Variants in PAX2 observed in about 807,000 individuals in gnomAD.
PAX2 encodes the protein paired box 2.
A neutral mutation model predicts 41.7 loss-of-function variants in PAX2; 9 were observed. The observed-to-expected ratio is 0.22, with a 90% CI of 0.13 to 0.38. The LOEUF (loss-of-function observed/expected upper bound fraction) is 0.38, where lower values mean the gene tolerates loss of function less well. Among genes scored for constraint, PAX2 ranks in the 10% least tolerant of loss-of-function variants. PAX2 has a pLI of 1.00. For missense variants in PAX2, 418 were observed against 531.6 expected (o/e 0.79, Z 2.10); for synonymous variants, 221 against 212.7 (o/e 1.04, Z -0.34).
intron 3 of PAX2, among the ~76,000 whole-genome samples, chr10:100,760,527 G>A (rs563124247): frequency 3.9e-5 from 6 of 152,334 alleles, no homozygotes; most frequent in African/African-American, 1.4e-4. Flanking sequence ...TGCTGGATGA[G>A]TGAACCAAGC....
chr10:100,788,491 A>T (rs1261461666), intron 5 of PAX2, among the ~76,000 whole-genome samples: 1 of 152,196 alleles, frequency 6.6e-6, no homozygotes, highest in Non-Finnish European at 1.5e-5. Flanking sequence ...GCAGCCTGCC[A>T]TGTTGGCTGA....
intron 3 of PAX2, among the ~76,000 whole-genome samples, chr10:100,763,388 A>C (rs1845902054): frequency 1.3e-5 from 2 of 152,222 alleles, no homozygotes; most frequent in Admixed American, 1.3e-4. Flanking sequence ...ATTGGGAAAC[A>C]CCTATTTTCA....
chr10:100,767,772 G>A (rs1846076598), intron 3 of PAX2, among the ~76,000 whole-genome samples: 1 of 152,110 alleles, frequency 6.6e-6, no homozygotes, highest in Admixed American at 6.5e-5. Context: ...CGAGTCAGGA[G>A]GTCAAACAAC....
chr10:100,808,907 G>A (rs1847892572), intron 6 of PAX2, among the ~76,000 whole-genome samples: 2 of 152,202 alleles, frequency 1.3e-5, no homozygotes, highest in Admixed American at 6.5e-5. Context: ...AAAGGGTGCT[G>A]TGCCTCCGGT....
Position 100,748,267 on chromosome 10 carries a change from T to C in PAX2, c.44-1479T>C. On this transcript the variant is annotated intron_variant, in intron 1 of 9. Transcript: ENST00000355243. This position sits in a 1 kb window ranked among gnomAD's most constrained non-coding sequence, Gnocchi z 5.0. Reference sequence around the variant, plus strand: ...GCGAGTTCTCCCGGGGCCTAAATTATTGATGGTCGGGGTTTGGAGGGAGGG... The same window carrying C: ...GCGAGTTCTCCCGGGGCCTAAATTACTGATGGTCGGGGTTTGGAGGGAGGG... The C allele has an allele frequency of 1.2e-5, 12 of 984,858 alleles. No individual in the cohort carries two copies. Among genetic ancestry groups the C allele is most frequent in the Non-Finnish European group, 1.4e-5 (12 of 829,774 alleles). 61.0% of individuals were successfully genotyped at this position (984,858 alleles called of 1,614,324 possible).
At position 100,826,619 on chromosome 10, in the gene PAX2, T is replaced by C. The variant is rs900209729; in HGVS notation, c.1022-390T>C. Among the ~76,000 whole-genome samples, 2 of 152,186 alleles carry C rather than the reference T, an allele frequency of 1.3e-5. No individual in the cohort carries two copies. Among genetic ancestry groups the C allele is most frequent in the African/African-American group, 4.8e-5 (2 of 41,438 alleles). On this transcript the variant is annotated intron_variant, in intron 8 of 9. Transcript: ENST00000355243. The surrounding 1 kb of genome is among the most constrained non-coding windows in gnomAD (Gnocchi z 5.5). Reference sequence around the variant, plus strand: ...TTCGCCACCGCCCCCCACTCCCATTTCCACCCATTAGGGGCCATGCCTCCT... The same window carrying C: ...TTCGCCACCGCCCCCCACTCCCATTCCCACCCATTAGGGGCCATGCCTCCT...
chr10:100,804,713 G>A (rs1369148686), intron 5 of PAX2, among the ~76,000 whole-genome samples: 3 of 152,150 alleles, frequency 2.0e-5, no homozygotes, highest in South Asian at 2.1e-4. Flanking sequence ...TTATCTGGAC[G>A]TTTATATATG....
chr10:100,784,320 C>T (rs1846761482), intron 5 of PAX2, among the ~76,000 whole-genome samples: 1 of 152,202 alleles, frequency 6.6e-6, no homozygotes. Flanking sequence ...GGGACTGCAG[C>T]AAAAGAGAAT....
intron 7 of PAX2, among the ~76,000 whole-genome samples, chr10:100,813,217 G>A (rs571215552): frequency 6.6e-6 from 1 of 152,352 alleles, no homozygotes; most frequent in African/African-American, 2.4e-5. Flanking sequence ...CCTCTAGTGG[G>A]CATTGCTGCC....
chr10:100,774,195 T>A (rs1177186379), intron 3 of PAX2, among the ~76,000 whole-genome samples: 1 of 152,220 alleles, frequency 6.6e-6, no homozygotes, highest in Non-Finnish European at 1.5e-5. Flanking sequence ...ACAGTGTTAA[T>A]AGGAGTTTCA....
chr10:100,741,264 G>C (rs1204721068), upstream of PAX2, among the ~76,000 whole-genome samples: 1 of 152,048 alleles, frequency 6.6e-6, no homozygotes, highest in African/African-American at 2.4e-5. Context: ...GAAAAGAAGA[G>C]TGAGAGCAGG....
Position 100,779,568 on chromosome 10 carries a change from C to T in PAX2, c.481C>T (p.Pro161Ser), listed in dbSNP as rs1165785145. The T allele has an allele frequency of 1.3e-5, 20 of 1,588,226 alleles. No homozygotes were observed. Among genetic ancestry groups the T allele is most frequent in the Non-Finnish European group, 1.3e-5 (15 of 1,167,188 alleles). ...PDGAGTGVTA[P>S]GHTIVPSTAS... ...TGGGGCTGGGACAGGAGTGACCGCCCCTGGCCACACCATTGGTAAGAGGGC... is the reference window on the plus strand; with the variant it reads ...TGGGGCTGGGACAGGAGTGACCGCCTCTGGCCACACCATTGGTAAGAGGGC... The change falls in exon 4 of 10, where the codon CCT becomes TCT. Residue 161 changes from proline (P) to serine (S), a missense_variant. Physicochemically the swap from Pro to Ser is moderately conservative, Grantham distance 74. This residue lies in a region of PAX2 where 310 missense variants were observed against 325.2 expected (regional missense o/e 0.95). Coordinates refer to ENST00000355243, the MANE Select transcript of PAX2 (RefSeq NM_000278.5).
At chr10:100,808,779 G>A (rs1005759858) in intron 6 of PAX2, among the ~76,000 whole-genome samples, 3 of 152,056 alleles carry the variant, frequency 2.0e-5, no homozygotes, top group African/African-American at 7.3e-5. Context: ...AAGGCTCCTC[G>A]ACATCCCATG....
At chr10:100,772,468 G>A (rs148247331) in intron 3 of PAX2, among the ~76,000 whole-genome samples, 1 of 152,204 alleles carries the variant, frequency 6.6e-6, no homozygotes, top group East Asian at 1.9e-4. Context: ...ATATCATTTT[G>A]TTCTCTAGGA....
chr10:100,745,660 C>T lies in PAX2; in HGVS notation c.-601C>T. On this transcript the variant is annotated 5_prime_UTR_variant, in exon 1 of 10. Transcript: ENST00000355243. ...CTGCCAGCGCCGCTCGGCTCCCTCCCTCCCTCCCGGCCCTTCGGCCGCGGC... is the reference window on the plus strand; with the variant it reads ...CTGCCAGCGCCGCTCGGCTCCCTCCTTCCCTCCCGGCCCTTCGGCCGCGGC... 1.3e-6 allele frequency: 1 copy of T among 778,618 alleles called. No homozygotes were observed. Among genetic ancestry groups the T allele is most frequent in the South Asian group, 5.9e-5 (1 of 16,958 alleles). The allele number at this position is 778,618 out of a possible 1,614,324, so 48.2% of individuals were successfully genotyped here.
At position 100,826,989 on chromosome 10, in the gene PAX2, A is replaced by C. The variant is rs1167844206; in HGVS notation, c.1022-20A>C. On this transcript the variant is annotated intron_variant, in intron 8 of 9. Coordinates refer to ENST00000355243, the MANE Select transcript of PAX2 (RefSeq NM_000278.5). The surrounding 1 kb of genome is among the most constrained non-coding windows in gnomAD (Gnocchi z 5.5). ...CCTGGCTTGCAGGCGTCTGATCCCC[A>C]CTCCCCGACCCTCCCGCAGGGAGCG... 1 of 1,586,432 alleles carries C rather than the reference A, an allele frequency of 6.3e-7. No individual in the cohort carries two copies. The highest frequency in any genetic ancestry group is 1.4e-5 in the African/African-American group (1 of 73,980).
In PAX2 at chr10:100,745,949, C is replaced by T; in HGVS notation, c.-312C>T. The T allele has an allele frequency of 7.8e-7, 1 of 1,276,280 alleles. No homozygotes were observed. Among genetic ancestry groups the T allele is most frequent in the Non-Finnish European group, 9.9e-7 (1 of 1,010,888 alleles). The allele number at this position is 1,276,280 out of a possible 1,614,324, so 79.1% of individuals were successfully genotyped here. ...CCAGCTTCAGCCCTGGCTGCAGCTG[C>T]AGCGCGAGCCATGCGCCCCCAGTGC... is the stretch of plus-strand genomic sequence containing the variant. On this transcript the variant is annotated 5_prime_UTR_variant, in exon 1 of 10. Coordinates refer to ENST00000355243, the MANE Select transcript of PAX2 (RefSeq NM_000278.5).
In PAX2 at chr10:100,750,029, C is replaced by T; in HGVS notation, c.212+115C>T. On this transcript the variant is annotated intron_variant, in intron 2 of 9. Coordinates refer to ENST00000355243, the MANE Select transcript of PAX2 (RefSeq NM_000278.5). This position sits in a 1 kb window ranked among gnomAD's most constrained non-coding sequence, Gnocchi z 4.1. Reference sequence around the variant, plus strand: ...AGCGTGCCAAGCCAGAGAGGGAGATCCCCAAAGGGGTCTGGAGAGGTGCTC... The same window carrying T: ...AGCGTGCCAAGCCAGAGAGGGAGATTCCCAAAGGGGTCTGGAGAGGTGCTC... The T allele has an allele frequency of 4.9e-6, 6 of 1,226,060 alleles. No homozygotes were observed. The South Asian group carries it at 8.2e-5, about 17-fold the overall frequency. 75.9% of individuals were successfully genotyped at this position (1,226,060 alleles called of 1,614,324 possible).
In PAX2 at chr10:100,745,685, C is replaced by T. The variant is rs553389794; in HGVS notation, c.-576C>T. ...CTCCCTCCCGGCCCTTCGGCCGCGG[C>T]GGCGTGCGCCTGCCTTTTCCGGGGG... On this transcript the variant is annotated 5_prime_UTR_variant, in exon 1 of 10. Transcript: ENST00000355243. 4.3e-6 allele frequency: 4 copies of T among 935,104 alleles called. No homozygotes were observed. Among genetic ancestry groups the T allele is most frequent in the Admixed American group, 5.9e-5 (1 of 17,016 alleles). 57.9% of individuals were successfully genotyped at this position (935,104 alleles called of 1,614,324 possible). A position where few individuals can be genotyped will look rare whatever the true frequency, so the allele number is the denominator to read the frequency against.
Sources: gnomAD v4.1 joint callset for allele counts (sites outside exome capture counted in the v4.1 genomes callset) on GRCh38, gnomAD v4.1.1 for gene constraint, gnomAD v4.1.1 regional missense constraint, Gnocchi (gnomAD v3.1) non-coding constraint, MANE v1.5 for transcripts, NCBI Gene and HGNC (gene_info 2026-07-23, HGNC 2026-07-21) for gene names.